CFI: variants seen among roughly 807,000 people sequenced by gnomAD.
CFI encodes the protein complement factor I, also known as C3B/C4B inactivator.
In CFI, 66 loss-of-function variants were observed where a neutral mutation model predicts 78.8. The ratio of observed to expected loss-of-function variants is 0.84; its 90% CI spans 0.69 to 1.03. CFI has a LOEUF of 1.03. CFI is among the 50% of genes least tolerant of loss of function. The pLI is 0.00. For missense variants in CFI, 706 were observed against 704.5 expected, an observed-to-expected ratio of 1.00 and a Z score of -0.02; for synonymous variants, 250 against 232.6, an observed-to-expected ratio of 1.07 and a Z score of -0.68.
rs868842499 is a variant in CFI, at chr4:109,766,490, G to A, written c.328+64C>T. On this transcript the variant is annotated intron_variant, in intron 2 of 12. Transcript: ENST00000394634. ...TACACAAGAGAATTATTTTCTGATA[G>A]AAAGTATGGCATACAAATACCCTTT... 6 of 1,565,656 alleles carry A rather than the reference G, an allele frequency of 3.8e-6. No homozygotes were observed. The African/African-American group carries it at 4.1e-5, about 11-fold the overall frequency.
chr4:109,785,766 T>C (rs941156513), intron 1 of CFI, among the ~76,000 whole-genome samples: 1 of 152,056 alleles, frequency 6.6e-6, no homozygotes, highest in Admixed American at 6.6e-5. Context: ...GTTTCACCTA[T>C]GCTGTTCTTG....
Position 109,777,340 on chromosome 4 carries a change from G to A in CFI, c.58-10516C>T, listed in dbSNP as rs111412729. Among the ~76,000 whole-genome samples the A allele has an allele frequency of 9.2e-3, 1,396 of 152,018 alleles. 16 individuals carry two copies. Among genetic ancestry groups the A allele is most frequent in the African/African-American group, 0.033 (1,352 of 41,442 alleles). ...AGGCAGGGGTTGCAATCCTAGTCTC[G>A]GATAAAACAGACTTTAAACCAACAA... On this transcript the variant is annotated intron_variant, in intron 1 of 12. Coordinates refer to ENST00000394634, the MANE Select transcript of CFI (RefSeq NM_000204.5).
intron 1 of CFI, among the ~76,000 whole-genome samples, chr4:109,778,784 T>C (rs10007165): frequency 0.98 from 149,785 of 152,224 alleles, 73,729 homozygotes; most frequent in Non-Finnish European, 1. Flanking sequence ...TTATCCATTA[T>C]GATCAAGTTG....
At chr4:109,732,640 G>A in the CFI span, among the ~76,000 whole-genome samples, 21 of 152,152 alleles carry the variant, frequency 1.4e-4, no homozygotes, top group African/African-American at 5.1e-4. Context: ...GGCAGATCAC[G>A]AGGTCAGGAG....
Position 109,770,281 on chromosome 4 carries a change from T to C in CFI, c.58-3457A>G, listed in dbSNP as rs1429107883. Among the ~76,000 whole-genome samples, 5 of 152,054 alleles carry C rather than the reference T, an allele frequency of 3.3e-5. No homozygotes were observed. In the East Asian group the frequency reaches 9.6e-4, roughly 29 times the overall value. On this transcript the variant is annotated intron_variant, in intron 1 of 12. Coordinates refer to ENST00000394634, the MANE Select transcript of CFI (RefSeq NM_000204.5). ...AAGTAGAAGCTTGACTGGTTTTGAC[T>C]AGGCACAGTGGCTCACGCCTGTAAT...
chr4:109,784,807 T>C (rs1229856772), intron 1 of CFI, among the ~76,000 whole-genome samples: 1 of 152,098 alleles, frequency 6.6e-6, no homozygotes, highest in Non-Finnish European at 1.5e-5. Flanking sequence ...CTTTCTCAAG[T>C]ATCTTTTGTC....
intron 1 of CFI, among the ~76,000 whole-genome samples, chr4:109,796,649 A>G (rs1252657361): frequency 6.6e-6 from 1 of 152,136 alleles, no homozygotes; most frequent in Non-Finnish European, 1.5e-5. Context: ...AAAAAATAAA[A>G]TTAGTTGGCA....
intron 1 of CFI, among the ~76,000 whole-genome samples, chr4:109,775,825 T>C (rs1296054342): frequency 2.6e-5 from 4 of 152,134 alleles, no homozygotes; most frequent in African/African-American, 9.7e-5. Context: ...TTTGCTGTTC[T>C]GAAATATTTG....
At chr4:109,761,999 G>T in intron 3 of CFI, 1 of 335,474 alleles carries the variant, frequency 3.0e-6, no homozygotes, top group South Asian at 2.8e-5. Context: ...AGACCAGCCT[G>T]GCCAATATGG....
intron 7 of CFI, among the ~76,000 whole-genome samples, chr4:109,755,613 T>A (rs1726035476): frequency 6.6e-6 from 1 of 152,142 alleles, no homozygotes; most frequent in Admixed American, 6.5e-5. Context: ...TCTTGTTCCG[T>A]TGCTCTCTTG....
At chr4:109,766,109 C>T (rs926474440) in intron 2 of CFI, among the ~76,000 whole-genome samples, 2 of 152,088 alleles carry the variant, frequency 1.3e-5, no homozygotes, top group Non-Finnish European at 2.9e-5. Context: ...CAGAGCCAGA[C>T]TCCGTCTCAA....
intron 1 of CFI, chr4:109,794,491 T>A (rs950346930): frequency 2.0e-5 from 3 of 152,302 alleles, no homozygotes; most frequent in Admixed American, 2.0e-4. Context: ...CTAGTTCCTT[T>A]TTAAAATTTC....
At chr4:109,742,296 G>A in intron 12 of CFI, 195 bp downstream of exon 12, 3 of 590,182 alleles carry the variant, frequency 5.1e-6, no homozygotes, top group South Asian at 3.9e-5. Flanking sequence ...GCTTAAGGAG[G>A]ATTTTTCCTC....
chr4:109,752,929 A>C (rs1335204410), intron 7 of CFI, among the ~76,000 whole-genome samples: 7 of 92,672 alleles, frequency 7.6e-5, no homozygotes, highest in African/African-American at 2.2e-4. Flanking sequence ...ATATATATTT[A>C]TTATATAAAT....
At chr4:109,749,680 C>T (rs1724912065) in intron 8 of CFI, 78 bp from the exon 9 acceptor site, 1 of 901,432 alleles carries the variant, frequency 1.1e-6, no homozygotes, top group Non-Finnish European at 1.8e-6. Flanking sequence ...ATTATCTATG[C>T]CACAAAAACA....
At chr4:109,743,756 G>A (rs949644535) in intron 11 of CFI, among the ~76,000 whole-genome samples, 3 of 152,144 alleles carry the variant, frequency 2.0e-5, no homozygotes, top group African/African-American at 7.2e-5. Flanking sequence ...CCAGGACTTT[G>A]GGAGGCCAGG....
At chr4:109,787,791 A>T (rs1730923608) in intron 1 of CFI, among the ~76,000 whole-genome samples, 1 of 152,022 alleles carries the variant, frequency 6.6e-6, no homozygotes, top group South Asian at 2.1e-4. Context: ...ATTAAAAAGA[A>T]AATCATCTGT....
At chr4:109,751,734 C>T (rs1725164140) in intron 8 of CFI, among the ~76,000 whole-genome samples, 1 of 152,154 alleles carries the variant, frequency 6.6e-6, no homozygotes, top group Admixed American at 6.5e-5. Flanking sequence ...AGCCACTGTG[C>T]CCAGCCTTAA....
chr4:109,735,452 T>G, the CFI span, among the ~76,000 whole-genome samples: 1 of 152,218 alleles, frequency 6.6e-6, no homozygotes, highest in Non-Finnish European at 1.5e-5. Flanking sequence ...GCTTGGAAAC[T>G]ACAATATTAC....
Sources: allele counts gnomAD v4.1 joint callset (sites outside exome capture counted in the v4.1 genomes callset), GRCh38; gene constraint gnomAD v4.1.1; transcripts MANE v1.5; gene names NCBI Gene and HGNC (gene_info 2026-07-23, HGNC 2026-07-21).